The following ADAMTS6 variants were observed in gnomAD, a reference collection of about 807,000 sequenced individuals.
The protein encoded by ADAMTS6 is ADAM metallopeptidase with thrombospondin type 1 motif 6, also known as A disintegrin and metalloproteinase with thrombospondin motifs 6.
ADAMTS6 carries 23 observed loss-of-function variants against 144.3 expected under a neutral mutation model. That is an observed-to-expected ratio of 0.16 (90% CI 0.11 to 0.23). The LOEUF (loss-of-function observed/expected upper bound fraction) is 0.23. Among genes scored for constraint, ADAMTS6 ranks in the 10% least tolerant of loss-of-function variants. The pLI, the probability that ADAMTS6 is intolerant of heterozygous loss-of-function variation, is 1.00. For synonymous variants in ADAMTS6, 444 were observed against 457.5 expected (o/e 0.97, Z 0.38); for missense variants, 999 against 1,379.6 (o/e 0.72, Z 4.37).
intron 7 of ADAMTS6, among the ~76,000 whole-genome samples, chr5:65,395,001 T>C (rs1753219039): frequency 6.6e-6 from 1 of 152,024 alleles, no homozygotes; most frequent in African/African-American, 2.4e-5. Flanking sequence ...GTTACAAAAA[T>C]TGCTCAGGAT....
intron 7 of ADAMTS6, among the ~76,000 whole-genome samples, chr5:65,438,625 C>T (rs1757635091): frequency 6.6e-6 from 1 of 152,152 alleles, no homozygotes; most frequent in Admixed American, 6.5e-5. Context: ...GAATCCATCT[C>T]CCACACAAGA....
chr5:65,163,114 T>C (rs751644234), intron 24 of ADAMTS6, among the ~76,000 whole-genome samples: 1 of 152,184 alleles, frequency 6.6e-6, no homozygotes, highest in African/African-American at 2.4e-5. Flanking sequence ...CTCACTATGC[T>C]GCCCAGCATG....
intron 11 of ADAMTS6, among the ~76,000 whole-genome samples, chr5:65,282,729 C>T (rs574957232): frequency 7.2e-5 from 11 of 151,988 alleles, no homozygotes; most frequent in Non-Finnish European, 1.5e-4. Context: ...CTTAAGATCT[C>T]TGTTTTAATG....
rs1321685081 is a variant in ADAMTS6, at chr5:65,172,944, G to C, written c.2975C>G (p.Ser992Cys). ...RIVLCKSSDL[S>C]KTFPAAQCPE... is the part of the protein sequence containing the mutation. ...ACATTGTGCAGCTGGGAATGTCTTAGAAAGGTCACTGCTCTTGCACAGAAC... is the reference window on the plus strand; with the variant it reads ...ACATTGTGCAGCTGGGAATGTCTTACAAAGGTCACTGCTCTTGCACAGAAC... Residue 992 changes from serine (S) to cysteine (C), a missense_variant, in exon 23 of 25, where the codon TCT becomes TGT. Coordinates refer to ENST00000381055, the MANE Select transcript of ADAMTS6 (RefSeq NM_197941.4). The C allele has an allele frequency of 1.9e-6, 3 of 1,614,110 alleles. No individual in the cohort carries two copies. The highest frequency in any genetic ancestry group is 2.5e-6 in the Non-Finnish European group (3 of 1,180,040).
chr5:65,340,579 T>G (rs1747725056), intron 7 of ADAMTS6, among the ~76,000 whole-genome samples: 1 of 151,948 alleles, frequency 6.6e-6, no homozygotes, highest in Admixed American at 6.6e-5. Flanking sequence ...TGGAAAATGA[T>G]CGATAAAATT....
intron 9 of ADAMTS6, among the ~76,000 whole-genome samples, chr5:65,301,552 G>A (rs1041552464): frequency 1.3e-5 from 2 of 152,138 alleles, no homozygotes; most frequent in Non-Finnish European, 2.9e-5. Context: ...CTGAGTCAGG[G>A]AATATGGAAT....
intron 14 of ADAMTS6, among the ~76,000 whole-genome samples, chr5:65,255,573 C>A (rs16893609): frequency 0.15 from 22,427 of 152,094 alleles, 2,750 homozygotes; most frequent in African/African-American, 0.33. Context: ...CGTAATACTT[C>A]AGAAACAACA....
intron 7 of ADAMTS6, among the ~76,000 whole-genome samples, chr5:65,364,998 C>T (rs1750174285): frequency 6.6e-6 from 1 of 152,088 alleles, no homozygotes; most frequent in Admixed American, 6.6e-5. Context: ...TTATTTCTTT[C>T]CTTTTAAAAG....
intron 7 of ADAMTS6, among the ~76,000 whole-genome samples, chr5:65,407,516 G>A (rs1429739608): frequency 2.5e-5 from 3 of 119,556 alleles, no homozygotes; most frequent in East Asian, 5.1e-4. Context: ...AGTCCCCGGT[G>A]TGTGATGTTC....
chr5:65,251,281 T>A (rs1226835863), intron 14 of ADAMTS6: 1 of 152,218 alleles, frequency 6.6e-6, no homozygotes, highest in Non-Finnish European at 1.5e-5. Context: ...TAATCAACCA[T>A]TTATCTCTAT....
chr5:65,253,582 G>A (rs1047278630), intron 14 of ADAMTS6, among the ~76,000 whole-genome samples: 1 of 152,080 alleles, frequency 6.6e-6, no homozygotes, highest in South Asian at 2.1e-4. Flanking sequence ...AAGGCAGGAA[G>A]CTGGTTTGAT....
At chr5:65,370,084 G>A (rs560700388) in intron 7 of ADAMTS6, among the ~76,000 whole-genome samples, 14 of 152,160 alleles carry the variant, frequency 9.2e-5, no homozygotes, top group African/African-American at 3.4e-4. Context: ...TTTAAGGTCA[G>A]TGAACCTCAA....
chr5:65,287,373 GCTAC>G (rs1165814820), intron 11 of ADAMTS6, among the ~76,000 whole-genome samples: 1 of 152,100 alleles, frequency 6.6e-6, no homozygotes, highest in Non-Finnish European at 1.5e-5. Context: ...AAATACATCT[GCTAC>G]CTGTGTTTCA....
At chr5:65,348,859 G>C (rs932362552) in intron 7 of ADAMTS6, among the ~76,000 whole-genome samples, 1 of 151,390 alleles carries the variant, frequency 6.6e-6, no homozygotes, top group Non-Finnish European at 1.5e-5. Context: ...ATTTAAAAAG[G>C]AATTAAAAAC....
intron 1 of ADAMTS6, among the ~76,000 whole-genome samples, chr5:65,476,285 T>C (rs1760835959): frequency 6.6e-6 from 1 of 152,164 alleles, no homozygotes; most frequent in African/African-American, 2.4e-5. Context: ...TTGCCAACAC[T>C]TTGTGGCTCA....
chr5:65,256,993 T>C (rs1474982200), intron 14 of ADAMTS6, among the ~76,000 whole-genome samples: 16 of 141,844 alleles, frequency 1.1e-4, no homozygotes, highest in East Asian at 2.1e-4. Context: ...CTCTTTTTTT[T>C]TTTTTTTTTT....
chr5:65,423,086 A>G (rs1302799899), intron 7 of ADAMTS6, among the ~76,000 whole-genome samples: 2 of 152,220 alleles, frequency 1.3e-5, no homozygotes, highest in Admixed American at 6.5e-5. Context: ...CAAATACTGT[A>G]TGTTCTGAAT....
intron 14 of ADAMTS6, among the ~76,000 whole-genome samples, chr5:65,247,115 C>T (rs1412641433): frequency 6.6e-6 from 1 of 152,236 alleles, no homozygotes; most frequent in African/African-American, 2.4e-5. Flanking sequence ...ACTCACCAAG[C>T]GTCTTCTCCT....
At chr5:65,289,693 CTA>C (rs1346746843) in intron 11 of ADAMTS6, among the ~76,000 whole-genome samples, 2 of 152,076 alleles carry the variant, frequency 1.3e-5, no homozygotes, top group Non-Finnish European at 2.9e-5. Context: ...GAGAAAAAGA[CTA>C]TATCGTGTAG....
Sources: allele counts gnomAD v4.1 joint callset (sites outside exome capture counted in the v4.1 genomes callset), GRCh38; gene constraint gnomAD v4.1.1; transcripts MANE v1.5; gene names NCBI Gene and HGNC (gene_info 2026-07-23, HGNC 2026-07-21).